Variants in MYO9B observed in about 807,000 individuals in gnomAD.
MYO9B encodes the protein myosin IXB, also known as unconventional myosin-IXb.
MYO9B carries 71 observed loss-of-function variants against 229.5 expected under a neutral mutation model. That is an observed-to-expected ratio of 0.31 (90% CI 0.26 to 0.38). The LOEUF is 0.38. Ranked by LOEUF, MYO9B falls within the 10% of genes least tolerant of loss-of-function variation. MYO9B has a pLI of 1.00. For synonymous variants in MYO9B, 1,185 were observed against 1,235.8 expected, an observed-to-expected ratio of 0.96 and a Z score of 0.86; for missense variants, 2,255 against 2,920.5, an observed-to-expected ratio of 0.77 and a Z score of 5.25.
chr19:17,183,906 G>C, intron 16 of MYO9B, 38 bp downstream of exon 16: 2 of 1,539,452 alleles, frequency 1.3e-6, no homozygotes, highest in Non-Finnish European at 1.7e-6. Flanking sequence ...CACGTTCCAA[G>C]ATATCTTGCT....
chr19:17,163,037 G>A lies in MYO9B; in HGVS notation c.1586G>A (p.Arg529Lys). 2 of 1,605,842 alleles carry A rather than the reference G, an allele frequency of 1.2e-6. No individual in the cohort carries two copies. Among genetic ancestry groups the A allele is most frequent in the Non-Finnish European group, 1.7e-6 (2 of 1,176,220 alleles). Residue 529 changes from arginine to lysine, a missense_variant, in exon 10 of 40, where the codon AGG (arginine) becomes AAG (lysine). Around this residue, in one of 7 missense-constraint regions of MYO9B, gnomAD observed 220 missense variants for 404.5 expected, o/e 0.54. Coordinates refer to ENST00000682292, the MANE Select transcript of MYO9B (RefSeq NM_004145.4). ...ATCTTCGGGTTTGAAGACTTCGAGA[G>A]GAACAGCTTTGAGCAGTTCTGCATC... Reference protein sequence around the residue: ...LDIFGFEDFERNSFEQFCINY... With the variant: ...LDIFGFEDFEKNSFEQFCINY...
chr19:17,198,891 C>T (rs2145481121), intron 24 of MYO9B, among the ~76,000 whole-genome samples: 1 of 152,178 alleles, frequency 6.6e-6, no homozygotes, highest in African/African-American at 2.4e-5. Flanking sequence ...TGTCTTCTGT[C>T]TTCTGTCCCT....
chr19:17,119,953 C>T (rs138462701), intron 2 of MYO9B, among the ~76,000 whole-genome samples: 9 of 152,244 alleles, frequency 5.9e-5, no homozygotes, highest in Middle Eastern at 3.4e-3. Flanking sequence ...CGGCCAAGCT[C>T]GGGAGTTTGA....
chr19:17,126,158 A>G (rs948561690), intron 2 of MYO9B, among the ~76,000 whole-genome samples: 1 of 152,138 alleles, frequency 6.6e-6, no homozygotes, highest in Non-Finnish European at 1.5e-5. Context: ...AGCATCAGCT[A>G]AACTTCTCAT....
chr19:17,125,786 G>T (rs1216608006), intron 2 of MYO9B, among the ~76,000 whole-genome samples: 1 of 152,268 alleles, frequency 6.6e-6, no homozygotes, highest in East Asian at 1.9e-4. Context: ...GCCTGCCGGG[G>T]TGCCCCAAAC....
chr19:17,183,404 C>G (rs931987604), intron 15 of MYO9B, among the ~76,000 whole-genome samples: 1 of 152,190 alleles, frequency 6.6e-6, no homozygotes, highest in Non-Finnish European at 1.5e-5. Context: ...TGGTCACCAC[C>G]AGGACTGCTC....
chr19:17,131,315 C>T (rs544309010), intron 2 of MYO9B, among the ~76,000 whole-genome samples: 1 of 152,370 alleles, frequency 6.6e-6, no homozygotes, highest in African/African-American at 2.4e-5. Flanking sequence ...GTCACCCAGG[C>T]TGGAGTGCAG....
rs1176410544 is a variant in MYO9B, at chr19:17,184,991, G to A, written c.2496+4G>A. 2 of 1,613,746 alleles carry A rather than the reference G, an allele frequency of 1.2e-6. No homozygotes were observed. Among genetic ancestry groups the A allele is most frequent in the African/African-American group, 2.7e-5 (2 of 74,946 alleles). The stretch of plus-strand genomic sequence containing the variant: ...AAGCATCAGCGCCCAGTTCCAGGTA[G>A]GTGGAGCAGGAGAGGCAGAAGGTGG... On this transcript the variant is annotated splice_donor_region_variant and intron_variant, in intron 17 of 39. Transcript: ENST00000682292.
At chr19:17,093,787 G>T (rs1194126167) in intron 1 of MYO9B, among the ~76,000 whole-genome samples, 1 of 151,980 alleles carries the variant, frequency 6.6e-6, no homozygotes, top group African/African-American at 2.4e-5. Context: ...CCACCCGCTG[G>T]GCTCAAGTAG....
chr19:17,205,793 T>A (rs2073153316), intron 31 of MYO9B, among the ~76,000 whole-genome samples, 167 bp from the exon 32 acceptor site: 1 of 152,054 alleles, frequency 6.6e-6, no homozygotes, highest in South Asian at 2.1e-4. Flanking sequence ...GGCCTTGACT[T>A]CTGCAGCCCC....
chr19:17,103,123 A>G (rs1183662353), intron 2 of MYO9B: 1 of 150,984 alleles, frequency 6.6e-6, no homozygotes, highest in Non-Finnish European at 1.5e-5. Flanking sequence ...TGGAGAGGCT[A>G]AGGCGGGAGG....
chr19:17,193,120 C>T lies in MYO9B; in HGVS notation c.3128+58C>T, dbSNP rs1303822871. The T allele has an allele frequency of 1.6e-5, 22 of 1,413,440 alleles. No homozygotes were observed. The highest frequency in any genetic ancestry group is 1.9e-5 in the Non-Finnish European group (21 of 1,081,860). 87.6% of individuals were successfully genotyped at this position (1,413,440 alleles called of 1,614,324 possible). A position where few individuals can be genotyped will look rare whatever the true frequency, so the allele number is the denominator to read the frequency against. Reference sequence around the variant, plus strand: ...TTCCAGAAGCCAAAAAGGTCACTCACCAAATTGCTGCCCGTGATATACCAT... The same window carrying T: ...TTCCAGAAGCCAAAAAGGTCACTCATCAAATTGCTGCCCGTGATATACCAT... On this transcript the variant is annotated intron_variant, in intron 21 of 39. Transcript: ENST00000682292. This position sits in a 1 kb window ranked among gnomAD's most constrained non-coding sequence, Gnocchi z 4.3.
chr19:17,186,199 T>C (rs1337271364), intron 18 of MYO9B, among the ~76,000 whole-genome samples, 198 bp downstream of exon 18: 1 of 152,124 alleles, frequency 6.6e-6, no homozygotes, highest in East Asian at 1.9e-4. Flanking sequence ...ATCTGGAACA[T>C]GGAGAGGCCC....
chr19:17,083,993 G>T (rs937250775), intron 1 of MYO9B, among the ~76,000 whole-genome samples: 1 of 152,020 alleles, frequency 6.6e-6, no homozygotes, highest in Admixed American at 6.6e-5. Flanking sequence ...GGAGAGAGGA[G>T]AGAAATCAGA....
At position 17,136,423 on chromosome 19, in the gene MYO9B, G is replaced by A. The variant is rs2072270359; in HGVS notation, c.841-8974G>A. On this transcript the variant is annotated intron_variant, in intron 2 of 39. Transcript: ENST00000682292. ...GGAAATGAAACCTAGAAAGACCGCAGGGACCCCTCAGCACCTAGAATGCAG... is the reference window on the plus strand; with the variant it reads ...GGAAATGAAACCTAGAAAGACCGCAAGGACCCCTCAGCACCTAGAATGCAG... Among the ~76,000 whole-genome samples the A allele has an allele frequency of 2.6e-5, 4 of 152,216 alleles. No individual in the cohort carries two copies. The South Asian group carries it at 8.3e-4, about 32-fold the overall frequency.
intron 2 of MYO9B, among the ~76,000 whole-genome samples, chr19:17,121,788 C>G (rs2057968293): frequency 6.6e-6 from 1 of 152,020 alleles, no homozygotes; most frequent in Non-Finnish European, 1.5e-5. Flanking sequence ...GAGTTTGAGA[C>G]CAGCCTGGGA....
chr19:17,084,100 C>T (rs1231306266), intron 1 of MYO9B, among the ~76,000 whole-genome samples: 2 of 152,036 alleles, frequency 1.3e-5, no homozygotes, highest in Admixed American at 6.6e-5. Context: ...CTTTGGGAGG[C>T]GGAGGTGGGA....
chr19:17,081,298 A>G (rs2057531866), intron 1 of MYO9B, among the ~76,000 whole-genome samples: 1 of 152,176 alleles, frequency 6.6e-6, no homozygotes, highest in Admixed American at 6.5e-5. Flanking sequence ...AAGTGCTGGG[A>G]TAACAGATGT....
intron 10 of MYO9B, among the ~76,000 whole-genome samples, chr19:17,167,641 G>A (rs968241416): frequency 6.6e-6 from 1 of 151,588 alleles, no homozygotes; most frequent in Non-Finnish European, 1.5e-5. Flanking sequence ...AACCACGCCT[G>A]GCTAATTTTG....
Sources: gnomAD v4.1 joint callset for allele counts (sites outside exome capture counted in the v4.1 genomes callset) on GRCh38, gnomAD v4.1.1 for gene constraint, gnomAD v4.1.1 regional missense constraint, Gnocchi (gnomAD v3.1) non-coding constraint, MANE v1.5 for transcripts, NCBI Gene and HGNC (gene_info 2026-07-23, HGNC 2026-07-21) for gene names.